UGT1A9: variants seen among roughly 807,000 people sequenced by gnomAD.
UGT1A9 encodes UDP glucuronosyltransferase family 1 member A9.
UGT1A9 carries 35 observed loss-of-function variants against 45.0 expected under a neutral mutation model. The ratio of observed to expected loss-of-function variants is 0.78; its 90% confidence interval spans 0.59 to 1.03. The LOEUF is 1.03. UGT1A9 is among the 50% of genes least tolerant of loss of function. UGT1A9 has a pLI of 0.00. For synonymous variants in UGT1A9, 278 were observed against 250.6 expected (o/e 1.11, Z -1.03); for missense variants, 687 against 666.6 (o/e 1.03, Z -0.34).
chr2:233,743,650 G>A (rs556129739), intron 1 of UGT1A9: 20 of 1,367,276 alleles, frequency 1.5e-5, no homozygotes, highest in Admixed American at 1.9e-5. Context: ...AGCTGAAGAC[G>A]TACTCGAAGG....
rs140687237 is a variant in UGT1A9 at position 233,731,471 on chromosome 2, T to A, written c.856-35563T>A. ...CCACAACAGGCCCTGGCGTGTGATG[T>A]TCCCTGGCCTGTGTCCAGTGTTCTT... On this transcript the variant is annotated intron_variant, in intron 1 of 4. Transcript: ENST00000354728. Among the ~76,000 whole-genome samples, 413 of 152,262 alleles carry A rather than the reference T, an allele frequency of 2.7e-3. 1 individual carries two copies. Among genetic ancestry groups the A allele is most frequent in the South Asian group, 0.017 (82 of 4,820 alleles).
intron 1 of UGT1A9, among the ~76,000 whole-genome samples, chr2:233,696,312 G>A (rs1281936053): frequency 6.6e-6 from 1 of 152,138 alleles, no homozygotes; most frequent in African/African-American, 2.4e-5. Flanking sequence ...TATATATTTG[G>A]TCTTCATCCT....
At chr2:233,766,637 C>G (rs1389389579) in intron 1 of UGT1A9, among the ~76,000 whole-genome samples, 2 of 152,186 alleles carry the variant, frequency 1.3e-5, no homozygotes, top group African/African-American at 4.8e-5. Flanking sequence ...TTCCCTACTT[C>G]CATATCATTT....
At chr2:233,724,154 G>T (rs1327662182) in intron 1 of UGT1A9, among the ~76,000 whole-genome samples, 4 of 77,654 alleles carry the variant, frequency 5.2e-5, no homozygotes, top group Admixed American at 3.5e-4. Flanking sequence ...CTGGCCGGGT[G>T]GGGGGGCTGA....
intron 1 of UGT1A9, chr2:233,747,954 C>A: frequency 4.3e-6 from 7 of 1,613,446 alleles, no homozygotes; most frequent in Middle Eastern, 1.7e-4. Flanking sequence ...AGTGGTGGAT[C>A]TTCTCAGCCA....
At chr2:233,717,554 G>A (rs1310316217) in intron 1 of UGT1A9, among the ~76,000 whole-genome samples, 2 of 152,208 alleles carry the variant, frequency 1.3e-5, no homozygotes, top group Non-Finnish European at 2.9e-5. Context: ...CACCAGCAAT[G>A]GCAGACATGG....
intron 1 of UGT1A9, chr2:233,693,751 G>A: frequency 1.2e-6 from 2 of 1,614,202 alleles, no homozygotes; most frequent in Non-Finnish European, 1.7e-6. Flanking sequence ...TATATCAGAA[G>A]GTCTCTGTTT....
Position 233,767,934 on chromosome 2 carries a change from T to C in UGT1A9, c.1073T>C (p.Leu358Pro). 6.2e-7 allele frequency: 1 copy of C among 1,614,184 alleles called. No homozygotes were observed. Among genetic ancestry groups the C allele is most frequent in the Non-Finnish European group, 8.5e-7 (1 of 1,180,038 alleles). The stretch of plus-strand genomic sequence containing the variant: ...AAGTGGCTACCCCAAAACGATCTGC[T>C]TGGTATGTTGGGCGGATTGGATGTA... ...LVKWLPQNDL[L>P]GHPMTRAFIT... The change falls in exon 3 of 5, where the codon CTT becomes CCT. Residue 358 changes from leucine to proline, a missense_variant and splice_region_variant. Leu to Pro is a moderately conservative substitution (Grantham distance 98). Transcript: ENST00000354728.
At chr2:233,755,161 C>CG in intron 1 of UGT1A9, 1 of 1,292,236 alleles carries the variant, frequency 7.7e-7, no homozygotes, top group Non-Finnish European at 1.0e-6. Context: ...TCCCTGTCCT[C>CG]GGGGTTTTTG....
chr2:233,703,922 A>G (rs2125594260), intron 1 of UGT1A9, among the ~76,000 whole-genome samples: 1 of 151,456 alleles, frequency 6.6e-6, no homozygotes, highest in East Asian at 1.9e-4. Flanking sequence ...ACAAAATCTC[A>G]TTCTGTTACC....
chr2:233,707,649 C>A (rs1214611953), intron 1 of UGT1A9, among the ~76,000 whole-genome samples: 1 of 151,494 alleles, frequency 6.6e-6, no homozygotes, highest in African/African-American at 2.4e-5. Context: ...TATGAATACA[C>A]CACAATTTTA....
intron 1 of UGT1A9, among the ~76,000 whole-genome samples, chr2:233,758,575 A>G (rs1696915636): frequency 6.6e-6 from 1 of 152,204 alleles, no homozygotes; most frequent in African/African-American, 2.4e-5. Context: ...TAAAAAATGA[A>G]GAGTGTTTGG....
At chr2:233,728,979 T>C (rs55781538) in intron 1 of UGT1A9, 30,148 of 1,500,164 alleles carry the variant, frequency 0.02, 353 homozygotes, top group Non-Finnish European at 0.023. Context: ...AGATTAATGG[T>C]TAATAATTAA....
chr2:233,729,628 C>T (rs1214575776), intron 1 of UGT1A9: 3 of 1,613,774 alleles, frequency 1.9e-6, no homozygotes, highest in East Asian at 4.5e-5. Context: ...CCTGTCGATT[C>T]CTACTGTGTT....
At chr2:233,747,791 T>C in intron 1 of UGT1A9, 7 of 1,613,564 alleles carry the variant, frequency 4.3e-6, no homozygotes, top group Non-Finnish European at 5.9e-6. Context: ...CTTCCTCCTA[T>C]ATTCCTAAGT....
intron 1 of UGT1A9, among the ~76,000 whole-genome samples, chr2:233,692,512 G>A (rs2075099224): frequency 6.6e-6 from 1 of 152,154 alleles, no homozygotes; most frequent in Non-Finnish European, 1.5e-5. Flanking sequence ...TTAACCTGTG[G>A]GGTCCGTGCT....
intron 1 of UGT1A9, among the ~76,000 whole-genome samples, chr2:233,761,978 G>A (rs947618547): frequency 6.6e-6 from 1 of 152,138 alleles, no homozygotes; most frequent in Non-Finnish European, 1.5e-5. Flanking sequence ...TATCACCTTC[G>A]GAGGTGACCT....
In UGT1A9 at chr2:233,769,922, G is replaced by A. The variant is rs1699984157; in HGVS notation, c.1295+1483G>A. On this transcript the variant is annotated intron_variant, in intron 4 of 4. Coordinates refer to ENST00000354728, the MANE Select transcript of UGT1A9 (RefSeq NM_021027.3). The surrounding 1 kb of genome is among the most constrained non-coding windows in gnomAD (Gnocchi z 4.4). ...CATCATGTGCCCAGAGCGTTGGGTG[G>A]TGTGGTCCCATTCCTTCCTTCCAGC... 2 of 270,870 alleles carry A rather than the reference G, an allele frequency of 7.4e-6. No homozygotes were observed. The highest frequency in any genetic ancestry group is 1.5e-4 in the South Asian group (2 of 13,602). 16.8% of individuals were successfully genotyped at this position (270,870 alleles called of 1,614,324 possible). A position where few individuals can be genotyped will look rare whatever the true frequency, so the allele number is the denominator to read the frequency against.
intron 1 of UGT1A9, among the ~76,000 whole-genome samples, chr2:233,715,544 G>A (rs1354497871): frequency 6.6e-6 from 1 of 152,116 alleles, no homozygotes; most frequent in Non-Finnish European, 1.5e-5. Flanking sequence ...GACCGAGGGA[G>A]GAGGATTGCT....
Sources: gnomAD v4.1 joint callset for allele counts (sites outside exome capture counted in the v4.1 genomes callset) on GRCh38, gnomAD v4.1.1 for gene constraint, Gnocchi (gnomAD v3.1) non-coding constraint, MANE v1.5 for transcripts, NCBI Gene and HGNC (gene_info 2026-07-23, HGNC 2026-07-21) for gene names.